Variants in EIF2S3 observed in about 807,000 individuals in gnomAD.
The protein encoded by EIF2S3 is eukaryotic translation initiation factor 2 subunit 3.
A neutral mutation model predicts 31.7 loss-of-function variants in EIF2S3; 2 were observed. That is an observed-to-expected ratio of 0.06 (90% CI 0.03 to 0.20). EIF2S3 has a LOEUF of 0.20. Ranked by LOEUF, EIF2S3 falls within the 10% of genes least tolerant of loss-of-function variation. The pLI is 1.00. For missense variants in EIF2S3, 96 were observed against 359.3 expected (o/e 0.27, Z 5.92); for synonymous variants, 120 against 126.7 (o/e 0.95, Z 0.36).
intron 8 of EIF2S3, among the ~76,000 whole-genome samples, chrX:24,067,687 T>C (rs1374813810): frequency 9.2e-6 from 1 of 108,655 alleles, no homozygotes; most frequent in Non-Finnish European, 1.9e-5. Flanking sequence ...GCCTCCCAGG[T>C]TCTAGCAATT....
In EIF2S3 at chrX:24,064,801, C is replaced by T. The variant is rs143335306; in HGVS notation, c.772+466C>T. On this transcript the variant is annotated intron_variant, in intron 7 of 11. Transcript: ENST00000253039. ...CTGAGATCGCGCCATTGTACTCCAG[C>T]CTGGGCAACAAGAGTGAAACTGCGT... is the stretch of plus-strand genomic sequence containing the variant. 6.7e-3 allele frequency among the ~76,000 whole-genome samples: 753 copies of T among 111,733 alleles called. 11 individuals carry two copies. The highest frequency in any genetic ancestry group is 0.023 in the African/African-American group (707 of 30,731).
Position 24,054,988 on chromosome X carries a change from G to A in EIF2S3, c.20G>A (p.Gly7Glu). ...GGCAACATGGCGGGCGGAGAAGCTG[G>A]AGTGACTCTAGGGCAGCCGCATCTT... is the stretch of plus-strand genomic sequence containing the variant. MAGGEA[G>E]VTLGQPHLSR... Residue 7 changes from glycine (G) to glutamate (E), a missense_variant, in exon 1 of 12, where the codon GGA (glycine) becomes GAA (glutamate). Gly to Glu is a moderately conservative substitution (Grantham distance 98, BLOSUM62 -2). This residue lies in a region of EIF2S3 where 27 missense variants were observed against 21.3 expected (regional missense o/e 1.27). Coordinates refer to ENST00000253039, the MANE Select transcript of EIF2S3 (RefSeq NM_001415.4). The A allele has an allele frequency of 1.7e-6, 2 of 1,211,023 alleles. No homozygotes were observed. Among genetic ancestry groups the A allele is most frequent in the Non-Finnish European group, 2.2e-6 (2 of 895,439 alleles).
rs1930765053 is a variant in EIF2S3 at position 24,076,976 on chromosome X, A to G, written c.*191A>G. 1.3e-5 allele frequency: 4 copies of G among 318,599 alleles called. No individual in the cohort carries two copies. In the Admixed American group the frequency reaches 1.9e-4, roughly 15 times the overall value. The allele number at this position is 318,599 out of a possible 1,213,427, so 26.3% of individuals were successfully genotyped here. A position where few individuals can be genotyped will look rare whatever the true frequency, so the allele number is the denominator to read the frequency against. ...TATGAAAACTTAGGGACTAAAATTA[A>G]TATAAAAATTGGCATAATGTTGGAT... On this transcript the variant is annotated 3_prime_UTR_variant, in exon 12 of 12. Transcript: ENST00000253039.
chrX:24,071,380 A>G (rs1296152976), intron 9 of EIF2S3, among the ~76,000 whole-genome samples, 178 bp from the exon 10 acceptor site: 1 of 110,364 alleles, frequency 9.1e-6, no homozygotes, highest in African/African-American at 3.3e-5. Context: ...TAATAGAGAC[A>G]GGGTTTCACC....
At chrX:24,056,821 T>C (rs1471575960) in intron 2 of EIF2S3, among the ~76,000 whole-genome samples, 2 of 112,011 alleles carry the variant, frequency 1.8e-5, no homozygotes, top group African/African-American at 6.5e-5. Flanking sequence ...ATCAGGGCAT[T>C]GCATTCCAGC....
At chrX:24,069,376 CAAAA>C (rs1161413795) in intron 9 of EIF2S3, among the ~76,000 whole-genome samples, 804 of 43,997 alleles carry the variant, frequency 0.018, 16 homozygotes, top group African/African-American at 0.057. Context: ...CACTCTGTCT[CAAAA>C]AAAAAAAAAA....
intron 4 of EIF2S3, among the ~76,000 whole-genome samples, chrX:24,058,465 TG>T (rs1333465774): frequency 8.9e-6 from 1 of 111,757 alleles, no homozygotes; most frequent in East Asian, 2.8e-4. Context: ...CATTGTATTT[TG>T]TTTATGATTG....
At chrX:24,063,189 G>C (rs1930518795) in intron 6 of EIF2S3, among the ~76,000 whole-genome samples, 1 of 112,194 alleles carries the variant, frequency 8.9e-6, no homozygotes, top group African/African-American at 3.2e-5. Context: ...GTTGCGGTGA[G>C]CCGAGATCAC....
Position 24,055,788 on chromosome X carries a change from A to G in EIF2S3, c.133+110A>G, listed in dbSNP as rs1356031822. 3 of 768,696 alleles carry G rather than the reference A, an allele frequency of 3.9e-6. No homozygotes were observed. In the Admixed American group the frequency reaches 8.4e-5, roughly 22 times the overall value. The allele number at this position is 768,696 out of a possible 1,213,427, so 63.3% of individuals were successfully genotyped here. A position where few individuals can be genotyped will look rare whatever the true frequency, so the allele number is the denominator to read the frequency against. The stretch of plus-strand genomic sequence containing the variant: ...GGATTCAGATATTCAAGAAATAGAT[A>G]CTGAGTCCTTGTGAATAAAGCATCT... On this transcript the variant is annotated intron_variant, in intron 2 of 11. Coordinates refer to ENST00000253039, the MANE Select transcript of EIF2S3 (RefSeq NM_001415.4).
At position 24,055,016 on chromosome X, in the gene EIF2S3, G is replaced by C. The variant is rs747769349; in HGVS notation, c.48G>C (p.Ser16=). 1.7e-6 allele frequency: 2 copies of C among 1,209,219 alleles called. No homozygotes were observed. Among genetic ancestry groups the C allele is most frequent in the Non-Finnish European group, 2.2e-6 (2 of 895,114 alleles). ...TGACTCTAGGGCAGCCGCATCTTTC[G>C]CGTCAGGATCTCACCACCTTGGTGA... is the stretch of plus-strand genomic sequence containing the variant. ...AGVTLGQPHL[S]RQDLTTLDVT... is the part of the protein sequence containing the mutation. The change falls in exon 1 of 12, where the codon TCG becomes TCC. Residue 16 remains serine, a synonymous_variant. Transcript: ENST00000253039.
In EIF2S3 at chrX:24,071,774, G is replaced by T. The variant is rs1277102834; in HGVS notation, c.1182+47G>T. The T allele has an allele frequency of 8.8e-6, 10 of 1,140,413 alleles. No homozygotes were observed. The South Asian group carries it at 1.5e-4, about 17-fold the overall frequency. The allele number at this position is 1,140,413 out of a possible 1,213,427, so 94.0% of individuals were successfully genotyped here. On this transcript the variant is annotated intron_variant, in intron 10 of 11. Transcript: ENST00000253039. ...CCTGTTTCTAAAAAAGTGACAAATG[G>T]GAGTGTTAAACCAGTGTTGAGTTTT...
rs1038043984 is a variant in EIF2S3, at chrX:24,055,176, C to T, written c.69+139C>T. The T allele has an allele frequency of 2.1e-5, 14 of 675,533 alleles. No individual in the cohort carries two copies. In the East Asian group the frequency reaches 3.9e-4, roughly 19 times the overall value. The allele number at this position is 675,533 out of a possible 1,213,427, so 55.7% of individuals were successfully genotyped here. A position where few individuals can be genotyped will look rare whatever the true frequency, so the allele number is the denominator to read the frequency against. ...GGAGGGAGACCTGGAACTGGGCGCCCTAAGCCATGCTCGCGCCGCCTGTAC... is the reference window on the plus strand; with the variant it reads ...GGAGGGAGACCTGGAACTGGGCGCCTTAAGCCATGCTCGCGCCGCCTGTAC... On this transcript the variant is annotated intron_variant, in intron 1 of 11. Transcript: ENST00000253039.
At chrX:24,062,740 A>G in intron 6 of EIF2S3, 166 bp downstream of exon 6, 2 of 437,322 alleles carry the variant, frequency 4.6e-6, no homozygotes, top group South Asian at 1.3e-4. Context: ...TGATATAACT[A>G]ATGAAACCTG....
intron 2 of EIF2S3, among the ~76,000 whole-genome samples, chrX:24,056,388 T>C (rs182683260): frequency 1.2e-3 from 130 of 112,075 alleles, no homozygotes; most frequent in African/African-American, 3.8e-3. Flanking sequence ...GAACAACCTA[T>C]GCTAAGACTA....
At chrX:24,063,200 G>T (rs772029407) in intron 6 of EIF2S3, among the ~76,000 whole-genome samples, 6 of 112,165 alleles carry the variant, frequency 5.3e-5, no homozygotes, top group Non-Finnish European at 1.1e-4. Context: ...CCGAGATCAC[G>T]CCATTGCACT....
intron 8 of EIF2S3, 34 bp downstream of exon 8, chrX:24,066,126 T>TG: frequency 1.0e-6 from 1 of 973,881 alleles, no homozygotes; most frequent in Non-Finnish European, 1.4e-6. Flanking sequence ...GATTTTGGGT[T>TG]TTTTTTTTTT....
At chrX:24,076,469 G>C (rs1053722798) in intron 11 of EIF2S3, among the ~76,000 whole-genome samples, 2 of 111,705 alleles carry the variant, frequency 1.8e-5, no homozygotes, top group African/African-American at 6.5e-5. Context: ...AGGAGCCAGA[G>C]GTTGCAGTGA....
In EIF2S3 at chrX:24,073,229, A is replaced by G; in HGVS notation, c.1321A>G (p.Ile441Val). Reference protein sequence around the residue: ...NPVCTEVGEKIALSRRVEKHW... With the variant: ...NPVCTEVGEKVALSRRVEKHW... Reference sequence around the variant, plus strand: ...AGTGTGCACAGAGGTAGGAGAAAAAATTGCCCTTAGCCGAAGAGTTGAAAA... The same window carrying G: ...AGTGTGCACAGAGGTAGGAGAAAAAGTTGCCCTTAGCCGAAGAGTTGAAAA... Residue 441 changes from isoleucine to valine, a missense_variant, in exon 11 of 12, where the codon ATT becomes GTT. Physicochemically the swap from Ile to Val is conservative, Grantham distance 29. Around this residue, in one of 5 missense-constraint regions of EIF2S3, gnomAD observed 10 missense variants for 118.9 expected, o/e 0.08. Transcript: ENST00000253039. 2 of 1,211,251 alleles carry G rather than the reference A, an allele frequency of 1.7e-6. No homozygotes were observed. Among genetic ancestry groups the G allele is most frequent in the Non-Finnish European group, 1.1e-6 (1 of 895,443 alleles).
Position 24,057,838 on chromosome X carries a change from C to T in EIF2S3, c.383+84C>T, listed in dbSNP as rs769750826. 184 of 1,006,864 alleles carry T rather than the reference C, an allele frequency of 1.8e-4. 1 individual carries two copies. Among genetic ancestry groups the T allele is most frequent in the Non-Finnish European group, 2.3e-4 (171 of 757,572 alleles). 83.0% of individuals were successfully genotyped at this position (1,006,864 alleles called of 1,213,427 possible). ...CTTTTTGAAATATCGAGGTGTTAAACGGTGAACCTAATGGCTAAATGGTTT... is the reference window on the plus strand; with the variant it reads ...CTTTTTGAAATATCGAGGTGTTAAATGGTGAACCTAATGGCTAAATGGTTT... On this transcript the variant is annotated intron_variant, in intron 4 of 11. Coordinates refer to ENST00000253039, the MANE Select transcript of EIF2S3 (RefSeq NM_001415.4).
Sources: allele counts gnomAD v4.1 joint callset (sites outside exome capture counted in the v4.1 genomes callset), GRCh38; gene constraint gnomAD v4.1.1; regional missense constraint gnomAD v4.1.1; transcripts MANE v1.5; gene names NCBI Gene and HGNC (gene_info 2026-07-23, HGNC 2026-07-21).